Variants in SPSB1 observed in about 807,000 individuals in gnomAD.
SPSB1 encodes SPRY domain-containing SOCS box protein 1.
Under a neutral mutation model 21.2 loss-of-function variants are expected in SPSB1, and 8 were observed. The ratio of observed to expected loss-of-function variants is 0.38; its 90% CI spans 0.22 to 0.68. The LOEUF (loss-of-function observed/expected upper bound fraction) is 0.68, where lower values mean the gene tolerates loss of function less well. SPSB1 is among the 30% of genes least tolerant of loss of function. The pLI is 0.53. For synonymous variants in SPSB1, 169 were observed against 161.7 expected (o/e 1.05, Z -0.34); for missense variants, 242 against 377.8 (o/e 0.64, Z 2.98).
At chr1:9,364,344 G>T (rs1225840467) in intron 2 of SPSB1, among the ~76,000 whole-genome samples, 1 of 152,260 alleles carries the variant, frequency 6.6e-6, no homozygotes, top group South Asian at 2.1e-4. Context: ...CAGACCACAG[G>T]CTGCGATAAG....
chr1:9,346,968 G>C lies in SPSB1; in HGVS notation c.-149-8775G>C, dbSNP rs964347731. On this transcript the variant is annotated intron_variant, in intron 1 of 2. Coordinates refer to ENST00000328089, the MANE Select transcript of SPSB1 (RefSeq NM_025106.4). The surrounding 1 kb of genome is among the most constrained non-coding windows in gnomAD (Gnocchi z 4.4). ...TGGGATAGATCACTGTAGAAATAATGTCCCTCTTCGGGATGGCCCCAAAGC... is the reference window on the plus strand; with the variant it reads ...TGGGATAGATCACTGTAGAAATAATCTCCCTCTTCGGGATGGCCCCAAAGC... Among the ~76,000 whole-genome samples, 1 of 152,232 alleles carries C rather than the reference G, an allele frequency of 6.6e-6. No individual in the cohort carries two copies. The highest frequency in any genetic ancestry group is 2.4e-5 in the African/African-American group (1 of 41,446).
chr1:9,337,326 C>T (rs994577204), intron 1 of SPSB1, among the ~76,000 whole-genome samples: 19 of 152,036 alleles, frequency 1.2e-4, no homozygotes, highest in Admixed American at 5.9e-4. Context: ...AGGCCAAGGA[C>T]GGGGGCTCAG....
chr1:9,330,387 C>A (rs887589677), intron 1 of SPSB1, among the ~76,000 whole-genome samples: 14 of 152,142 alleles, frequency 9.2e-5, no homozygotes, highest in Non-Finnish European at 1.6e-4. Context: ...ATCGCTTGAA[C>A]CCGGGAGGCG....
intron 1 of SPSB1, among the ~76,000 whole-genome samples, chr1:9,329,577 C>G (rs1639880370): frequency 6.6e-6 from 1 of 151,890 alleles, no homozygotes; most frequent in Non-Finnish European, 1.5e-5. Flanking sequence ...GCCTGTAGTC[C>G]CAGCTACTCA....
chr1:9,308,979 C>G (rs1294039), intron 1 of SPSB1, among the ~76,000 whole-genome samples: 1 of 152,124 alleles, frequency 6.6e-6, no homozygotes, highest in East Asian at 1.9e-4. Flanking sequence ...AGGGGCTGGG[C>G]GGGCACCAGG....
In SPSB1 at chr1:9,305,533, C is replaced by T. The variant is rs1305171802; in HGVS notation, c.-150+12462C>T. Among the ~76,000 whole-genome samples, 3 of 152,120 alleles carry T rather than the reference C, an allele frequency of 2.0e-5. No individual in the cohort carries two copies. The highest frequency in any genetic ancestry group is 3.9e-4 in the East Asian group (2 of 5,182). On this transcript the variant is annotated intron_variant, in intron 1 of 2. Transcript: ENST00000328089. This position sits in a 1 kb window ranked among gnomAD's most constrained non-coding sequence, Gnocchi z 4.8. ...ATGAAGGAGTAGGTAAGACCGGTGG[C>T]GTAGTGGATCCTAGCAGGGTCTGGG...
chr1:9,368,014 G>A lies in SPSB1; in HGVS notation c.*439G>A, dbSNP rs1314873947. The A allele has an allele frequency of 6.0e-6, 1 of 167,212 alleles. No homozygotes were observed. The highest frequency in any genetic ancestry group is 2.4e-5 in the African/African-American group (1 of 41,614). The allele number at this position is 167,212 out of a possible 1,614,324, so 10.4% of individuals were successfully genotyped here. ...TACCAGGGGTACTAAGAGGTGCTTA[G>A]ACAAGGGCTGGTGCCCGGCCCAGGG... On this transcript the variant is annotated 3_prime_UTR_variant, in exon 3 of 3. Coordinates refer to ENST00000328089, the MANE Select transcript of SPSB1 (RefSeq NM_025106.4).
intron 1 of SPSB1, among the ~76,000 whole-genome samples, chr1:9,330,932 C>T (rs887375937): frequency 1.6e-4 from 22 of 140,214 alleles, no homozygotes; most frequent in South Asian, 1.4e-3. Context: ...TAATTTTCTG[C>T]GTCTTTTTTT....
rs751759865 is a variant in SPSB1 at position 9,367,577 on chromosome 1, G to A, written c.*2G>A. The A allele has an allele frequency of 2.2e-5, 36 of 1,604,156 alleles. No individual in the cohort carries two copies. The highest frequency in any genetic ancestry group is 4.4e-5 in the South Asian group (4 of 90,600). On this transcript the variant is annotated 3_prime_UTR_variant, in exon 3 of 3. Coordinates refer to ENST00000328089, the MANE Select transcript of SPSB1 (RefSeq NM_025106.4). This position sits in a 1 kb window ranked among gnomAD's most constrained non-coding sequence, Gnocchi z 5.9. ...AAGGCCTACCTCCTCTACCAGTGAC[G>A]TTCGCCATCATACCGCCAGCGCGAC...
At chr1:9,318,925 C>T (rs982710834) in intron 1 of SPSB1, among the ~76,000 whole-genome samples, 6 of 152,194 alleles carry the variant, frequency 3.9e-5, no homozygotes, top group African/African-American at 1.4e-4. Context: ...CGCAGTGGCT[C>T]ACACCTGTAA....
At chr1:9,322,986 T>G (rs906042556) in intron 1 of SPSB1, among the ~76,000 whole-genome samples, 5 of 151,996 alleles carry the variant, frequency 3.3e-5, no homozygotes, top group African/African-American at 1.2e-4. Flanking sequence ...TCCCTTCCCG[T>G]GCCGCCAGCA....
chr1:9,330,771 G>A (rs140563806), intron 1 of SPSB1, among the ~76,000 whole-genome samples: 187 of 151,446 alleles, frequency 1.2e-3, no homozygotes, highest in African/African-American at 4.4e-3. Flanking sequence ...CATTTAAGAC[G>A]TGCAGTTCAG....
Position 9,305,910 on chromosome 1 carries a change from C to T in SPSB1, c.-150+12839C>T, listed in dbSNP as rs952051470. Among the ~76,000 whole-genome samples, 18 of 152,124 alleles carry T rather than the reference C, an allele frequency of 1.2e-4. No individual in the cohort carries two copies. The highest frequency in any genetic ancestry group is 5.8e-4 in the East Asian group (3 of 5,166). Reference sequence around the variant, plus strand: ...GGCAGGGGTGGCCAGGTTGGAAAGGCGGGAAGGGTGCCCATGTGTGGCCAA... The same window carrying T: ...GGCAGGGGTGGCCAGGTTGGAAAGGTGGGAAGGGTGCCCATGTGTGGCCAA... On this transcript the variant is annotated intron_variant, in intron 1 of 2. Transcript: ENST00000328089. This position sits in a 1 kb window ranked among gnomAD's most constrained non-coding sequence, Gnocchi z 4.8.
intron 1 of SPSB1, among the ~76,000 whole-genome samples, chr1:9,304,063 A>G (rs1345983024): frequency 6.6e-6 from 1 of 152,178 alleles, no homozygotes; most frequent in Admixed American, 6.5e-5. Flanking sequence ...CCACCGTCCA[A>G]TCAGCTGGTG....
intron 1 of SPSB1, among the ~76,000 whole-genome samples, chr1:9,295,209 AGAGTGT>A (rs1274371561): frequency 1.2e-5 from 1 of 85,126 alleles, no homozygotes; most frequent in African/African-American, 5.1e-5. Flanking sequence ...TGTGTGTGTG[AGAGTGT>A]GAGTGTGTGT....
At chr1:9,341,780 G>T (rs528076256) in intron 1 of SPSB1, among the ~76,000 whole-genome samples, 1 of 152,122 alleles carries the variant, frequency 6.6e-6, no homozygotes, top group South Asian at 2.1e-4. Flanking sequence ...TCGTCTCACC[G>T]CAATCTCCAC....
intron 2 of SPSB1, among the ~76,000 whole-genome samples, chr1:9,357,886 C>T (rs1640400212): frequency 1.3e-5 from 2 of 152,166 alleles, no homozygotes; most frequent in Admixed American, 6.5e-5. Context: ...TCCCTTCTAC[C>T]GCCTGCAAGT....
chr1:9,348,749 G>A lies in SPSB1; in HGVS notation c.-149-6994G>A, dbSNP rs1640203690. Reference sequence around the variant, plus strand: ...TGGCTGTTCGAAGCTGGCCGAGGGAGTACGGGGCTTTCAGAAGCTCATCTG... The same window carrying A: ...TGGCTGTTCGAAGCTGGCCGAGGGAATACGGGGCTTTCAGAAGCTCATCTG... On this transcript the variant is annotated intron_variant, in intron 1 of 2. Transcript: ENST00000328089. This position sits in a 1 kb window ranked among gnomAD's most constrained non-coding sequence, Gnocchi z 4.8. Among the ~76,000 whole-genome samples the A allele has an allele frequency of 2.0e-5, 3 of 152,046 alleles. No individual in the cohort carries two copies. The South Asian group carries it at 6.2e-4, about 32-fold the overall frequency.
rs369192172 is a variant in SPSB1, at chr1:9,313,417, G to GAAATA, written c.-150+20363_-150+20367dup. 9.9e-5 allele frequency among the ~76,000 whole-genome samples: 15 copies of GAAATA among 152,208 alleles called. No homozygotes were observed. In the East Asian group the frequency reaches 1.2e-3, roughly 12 times the overall value. ...CACCGCTCTTCATTTTCTATAAAAT[G>GAAATA]AAATAAAATAAAATAAAATAACTTG... is the stretch of plus-strand genomic sequence containing the variant. On this transcript the variant is annotated intron_variant, in intron 1 of 2. Coordinates refer to ENST00000328089, the MANE Select transcript of SPSB1 (RefSeq NM_025106.4).
Sources: allele counts gnomAD v4.1 joint callset (sites outside exome capture counted in the v4.1 genomes callset), GRCh38; gene constraint gnomAD v4.1.1; non-coding constraint Gnocchi (gnomAD v3.1); transcripts MANE v1.5; gene names NCBI Gene and HGNC (gene_info 2026-07-23, HGNC 2026-07-21).